Variants in PDGFC observed in about 807,000 individuals in gnomAD.
PDGFC encodes platelet derived growth factor C.
PDGFC carries 12 observed loss-of-function variants against 35.5 expected under a neutral mutation model. The observed-to-expected ratio is 0.34, with a 90% CI of 0.22 to 0.55. PDGFC has a LOEUF of 0.55. Among genes scored for constraint, PDGFC ranks in the 20% least tolerant of loss-of-function variants. PDGFC has a pLI of 0.91. For missense variants in PDGFC, 322 were observed against 412.4 expected (o/e 0.78, Z 1.90); for synonymous variants, 159 against 148.8 (o/e 1.07, Z -0.50).
Position 156,820,813 on chromosome 4 carries a change from A to AT in PDGFC, c.315-9797dup, listed in dbSNP as rs200172975. On this transcript the variant is annotated intron_variant, in intron 2 of 5. Coordinates refer to ENST00000502773, the MANE Select transcript of PDGFC (RefSeq NM_016205.3). The stretch of plus-strand genomic sequence containing the variant: ...CTGGGTAAACTGTGAATAGCATAAA[A>AT]TTTCAAATCAAGGTAAAACATTATT... Among the ~76,000 whole-genome samples the AT allele has an allele frequency of 5.3e-3, 808 of 152,316 alleles. 9 individuals are homozygous for AT. Among genetic ancestry groups the AT allele is most frequent in the African/African-American group, 0.018 (767 of 41,568 alleles).
intron 1 of PDGFC, among the ~76,000 whole-genome samples, chr4:156,910,559 G>C (rs1731014987): frequency 6.6e-6 from 1 of 152,046 alleles, no homozygotes; most frequent in East Asian, 1.9e-4. Context: ...ATGTCCAAGA[G>C]TGTAATTTCT....
intron 1 of PDGFC, among the ~76,000 whole-genome samples, chr4:156,958,915 C>T (rs1732274372): frequency 6.6e-6 from 1 of 152,008 alleles, no homozygotes; most frequent in African/African-American, 2.4e-5. Flanking sequence ...AGTTTTATTA[C>T]AAGACTGGCA....
rs58698115 is a variant in PDGFC at position 156,824,285 on chromosome 4, C to CATATAT, written c.315-13274_315-13269dup. Among the ~76,000 whole-genome samples, 460 of 92,430 alleles carry CATATAT rather than the reference C, an allele frequency of 5.0e-3. 3 individuals carry two copies. The highest frequency in any genetic ancestry group is 0.015 in the East Asian group (21 of 1,446). 60.6% of individuals were successfully genotyped at this position (92,430 alleles called of 152,430 possible). A position where few individuals can be genotyped will look rare whatever the true frequency, so the allele number is the denominator to read the frequency against. On this transcript the variant is annotated intron_variant, in intron 2 of 5. Transcript: ENST00000502773. ...TTTAACCCGTCTAGAACAATGTAAGCATATATATATATATATATATATATA... is the reference window on the plus strand; with the variant it reads ...TTTAACCCGTCTAGAACAATGTAAGCATATATATATATATATATATATATATATATA...
chr4:156,767,815 T>C lies in PDGFC; in HGVS notation c.879A>G (p.Glu293=), dbSNP rs915111140. 1.2e-6 allele frequency: 2 copies of C among 1,613,246 alleles called. No individual in the cohort carries two copies. The highest frequency in any genetic ancestry group is 1.7e-6 in the Non-Finnish European group (2 of 1,179,338). The part of the protein sequence containing the change: ...NCACCLHNCN[E]CQCVPSKVTK... ...TAACTTTGCTTGGGACACATTGACA[T>C]TCATTGCAATTGTGGAGACAACAGG... The change falls in exon 5 of 6, where the codon GAA becomes GAG. Residue 293 remains glutamate (E), a synonymous_variant. Transcript: ENST00000502773.
At chr4:156,869,468 G>A (rs1729927179) in intron 1 of PDGFC, among the ~76,000 whole-genome samples, 1 of 151,872 alleles carries the variant, frequency 6.6e-6, no homozygotes, top group Non-Finnish European at 1.5e-5. Context: ...TATGAATAAT[G>A]CTTATCACAT....
At chr4:156,828,808 A>G (rs984569649) in intron 2 of PDGFC, among the ~76,000 whole-genome samples, 4 of 152,184 alleles carry the variant, frequency 2.6e-5, no homozygotes, top group African/African-American at 9.6e-5. Flanking sequence ...TGACCAATCA[A>G]TAAAATCAAT....
intron 1 of PDGFC, among the ~76,000 whole-genome samples, chr4:156,928,238 A>C (rs965950948): frequency 6.6e-6 from 1 of 152,102 alleles, no homozygotes; most frequent in African/African-American, 2.4e-5. Flanking sequence ...GTCATTTAAT[A>C]GCACCCATTT....
intron 1 of PDGFC, among the ~76,000 whole-genome samples, chr4:156,871,093 T>C (rs1276928779): frequency 6.6e-6 from 1 of 152,082 alleles, no homozygotes; most frequent in Admixed American, 6.6e-5. Flanking sequence ...AGGAAAAGGC[T>C]ATAATCCTTC....
At chr4:156,834,017 T>C (rs1485282180) in intron 2 of PDGFC, among the ~76,000 whole-genome samples, 3 of 152,288 alleles carry the variant, frequency 2.0e-5, no homozygotes, top group Non-Finnish European at 2.9e-5. Flanking sequence ...GCCTGAAACA[T>C]TGAGAGGTAT....
At chr4:156,802,514 T>C (rs945305494) in intron 3 of PDGFC, among the ~76,000 whole-genome samples, 46 of 151,336 alleles carry the variant, frequency 3.0e-4, no homozygotes, top group African/African-American at 1.1e-3. Flanking sequence ...CCAAGCAGAG[T>C]TGAGGGTATG....
In PDGFC at chr4:156,850,423, C is replaced by A; in HGVS notation, c.119-7G>T. On this transcript the variant is annotated splice_polypyrimidine_tract_variant and splice_region_variant and intron_variant, in intron 1 of 5. Transcript: ENST00000502773. ...TGCTGAGGATCTTGTACTCCTAAAG[C>A]AAAAAACATAGACATAGACATACAT... 6.5e-7 allele frequency: 1 copy of A among 1,528,468 alleles called. No homozygotes were observed. 94.7% of individuals were successfully genotyped at this position (1,528,468 alleles called of 1,614,324 possible).
chr4:156,900,092 TAA>T (rs768898822), intron 1 of PDGFC, among the ~76,000 whole-genome samples: 1 of 152,328 alleles, frequency 6.6e-6, no homozygotes, highest in East Asian at 1.9e-4. Flanking sequence ...ATGTGAAACT[TAA>T]AGTCTCATCC....
At chr4:156,897,374 G>GTGTGTGTGTA (rs1730660075) in intron 1 of PDGFC, among the ~76,000 whole-genome samples, 1 of 151,730 alleles carries the variant, frequency 6.6e-6, no homozygotes, top group Non-Finnish European at 1.5e-5. Context: ...GTGTGTGTGT[G>GTGTGTGTGTA]TGTGTGTGTC....
intron 1 of PDGFC, among the ~76,000 whole-genome samples, chr4:156,895,246 T>G (rs538178873): frequency 6.6e-6 from 1 of 152,194 alleles, no homozygotes; most frequent in Non-Finnish European, 1.5e-5. Flanking sequence ...CTTCTATTTC[T>G]AAATAAAATC....
At chr4:156,803,479 A>T (rs1274396347) in intron 3 of PDGFC, among the ~76,000 whole-genome samples, 1 of 152,138 alleles carries the variant, frequency 6.6e-6, no homozygotes, top group African/African-American at 2.4e-5. Flanking sequence ...GGTGACAGAA[A>T]GTGAAAGATG....
chr4:156,904,821 T>A (rs1451991766), intron 1 of PDGFC, among the ~76,000 whole-genome samples: 1 of 152,112 alleles, frequency 6.6e-6, no homozygotes, highest in Non-Finnish European at 1.5e-5. Context: ...TATCTACACT[T>A]AAATGTTTAC....
intron 2 of PDGFC, among the ~76,000 whole-genome samples, chr4:156,826,302 C>T (rs897943892): frequency 1.4e-5 from 2 of 145,230 alleles, no homozygotes; most frequent in Non-Finnish European, 3.0e-5. Flanking sequence ...AAGCGATTCT[C>T]CTGCCTCAGC....
intron 3 of PDGFC, among the ~76,000 whole-genome samples, chr4:156,791,596 G>T (rs1422144672): frequency 1.3e-5 from 2 of 151,776 alleles, no homozygotes; most frequent in Admixed American, 6.6e-5. Flanking sequence ...TCAAAGAACT[G>T]ATTCACACAT....
chr4:156,904,239 T>C (rs1469586442), intron 1 of PDGFC, among the ~76,000 whole-genome samples: 1 of 151,992 alleles, frequency 6.6e-6, no homozygotes, highest in East Asian at 1.9e-4. Context: ...GGTGCCCTAA[T>C]TTAACGTGAA....
Sources: gnomAD v4.1 joint callset for allele counts (sites outside exome capture counted in the v4.1 genomes callset) on GRCh38, gnomAD v4.1.1 for gene constraint, MANE v1.5 for transcripts, NCBI Gene and HGNC (gene_info 2026-07-23, HGNC 2026-07-21) for gene names.